Variants in COL4A6 observed in about 807,000 individuals in gnomAD.
COL4A6 encodes the protein collagen alpha-6(IV) chain.
Under a neutral mutation model 126.7 loss-of-function variants are expected in COL4A6, and 59 were observed. The observed-to-expected ratio is 0.47, with a 90% CI of 0.38 to 0.58. The LOEUF (loss-of-function observed/expected upper bound fraction) is 0.58, where lower values mean the gene tolerates loss of function less well. COL4A6 is among the 20% of genes least tolerant of loss of function. The pLI is 0.00. For missense variants in COL4A6, 1,285 were observed against 1,337.3 expected (o/e 0.96, Z 0.61); for synonymous variants, 547 against 496.6 (o/e 1.10, Z -1.35).
intron 3 of COL4A6, among the ~76,000 whole-genome samples, chrX:108,247,539 C>T (rs2036746351): frequency 9.1e-6 from 1 of 109,906 alleles, no homozygotes; most frequent in African/African-American, 3.3e-5. Flanking sequence ...AATAATTACC[C>T]TTCCCCCACC....
intron 2 of COL4A6, among the ~76,000 whole-genome samples, chrX:108,407,522 G>T (rs1472047238): frequency 8.9e-6 from 1 of 112,213 alleles, no homozygotes; most frequent in Non-Finnish European, 1.9e-5. Context: ...TTGAGCATCT[G>T]CTGTCTCAGG....
intron 3 of COL4A6, among the ~76,000 whole-genome samples, chrX:108,270,113 C>T (rs1384966916): frequency 8.9e-6 from 1 of 111,843 alleles, no homozygotes; most frequent in Admixed American, 9.5e-5. Context: ...TTCTGTGTTA[C>T]CTTGAACAAA....
chrX:108,403,649 C>T (rs2041143392), intron 2 of COL4A6, among the ~76,000 whole-genome samples: 1 of 111,290 alleles, frequency 9.0e-6, no homozygotes, highest in Non-Finnish European at 1.9e-5. Context: ...CCTAGTAACT[C>T]ATATTTGTCT....
intron 13 of COL4A6, among the ~76,000 whole-genome samples, chrX:108,200,034 C>A (rs758895368): frequency 5.4e-5 from 6 of 112,091 alleles, no homozygotes; most frequent in Middle Eastern, 4.6e-3. Context: ...GCTCACCTTG[C>A]TTACCTCACA....
At chrX:108,348,092 C>A (rs7473015) in intron 2 of COL4A6, among the ~76,000 whole-genome samples, 1 of 111,587 alleles carries the variant, frequency 9.0e-6, no homozygotes, top group African/African-American at 3.3e-5. Context: ...AATTGTAACT[C>A]GAAAACAGTC....
intron 17 of COL4A6, 83 bp downstream of exon 17, chrX:108,193,545 A>G: frequency 1.2e-6 from 1 of 835,696 alleles, no homozygotes; most frequent in Non-Finnish European, 1.8e-6. Context: ...AGTAACTAAC[A>G]AAGTATCCTT....
chrX:108,421,271 A>C (rs1376532296), intron 2 of COL4A6, among the ~76,000 whole-genome samples: 2 of 112,314 alleles, frequency 1.8e-5, no homozygotes, highest in Non-Finnish European at 1.9e-5. Flanking sequence ...AGCTAAATTT[A>C]TTGAGCGCAT....
Position 108,161,599 on chromosome X carries a change from C to CCCA in COL4A6, c.4333+19_4333+20insTGG. The CCCA allele has an allele frequency of 2.3e-6, 2 of 887,949 alleles. No individual in the cohort carries two copies. Among genetic ancestry groups the CCCA allele is most frequent in the Non-Finnish European group, 3.1e-6 (2 of 642,132 alleles). 73.2% of individuals were successfully genotyped at this position (887,949 alleles called of 1,213,427 possible). A position where few individuals can be genotyped will look rare whatever the true frequency, so the allele number is the denominator to read the frequency against. On this transcript the variant is annotated intron_variant, in intron 42 of 44. Coordinates refer to ENST00000334504, the MANE Select transcript of COL4A6 (RefSeq NM_033641.4). ...CCACCATCCCCGCCCCGCCCGCCTC[C>CCCA]TAATGTGGCATCATCAGACCTTCAA... is the stretch of plus-strand genomic sequence containing the variant.
Position 108,179,444 on chromosome X carries a change from C to A in COL4A6, c.2132-6G>T, listed in dbSNP as rs201589060. ...CCCACGAGGTCCAGGAAATCCTAAA[C>A]GTAAAAAGGCGAACATAAAAGACCA... On this transcript the variant is annotated splice_region_variant and splice_polypyrimidine_tract_variant and intron_variant, in intron 25 of 44. Coordinates refer to ENST00000334504, the MANE Select transcript of COL4A6 (RefSeq NM_033641.4). The A allele has an allele frequency of 5.6e-5, 66 of 1,177,528 alleles. No homozygotes were observed. The African/African-American group carries it at 1.1e-3, about 20-fold the overall frequency.
At chrX:108,326,953 T>C in intron 2 of COL4A6, among the ~76,000 whole-genome samples, 1 of 111,561 alleles carries the variant, frequency 9.0e-6, no homozygotes, top group Non-Finnish European at 1.9e-5. Flanking sequence ...TTGGACATCA[T>C]CTAAATTAAA....
At chrX:108,365,150 T>A (rs1372172451) in intron 2 of COL4A6, among the ~76,000 whole-genome samples, 2 of 111,955 alleles carry the variant, frequency 1.8e-5, no homozygotes, top group Non-Finnish European at 3.8e-5. Flanking sequence ...TTCTACTTCT[T>A]CATTTCCCAA....
chrX:108,428,358 C>T (rs888350101), intron 2 of COL4A6, among the ~76,000 whole-genome samples: 1 of 111,674 alleles, frequency 9.0e-6, no homozygotes, highest in African/African-American at 3.3e-5. Context: ...TCTTATCAAA[C>T]ATCAATTGCC....
Position 108,169,633 on chromosome X carries a change from G to A in COL4A6, c.3566-13C>T, listed in dbSNP as rs1209032260. Reference sequence around the variant, plus strand: ...GTGATACTAGGTCCTAGGAGGAGATGCAGGGGTAGGGGGCAGACCTCAGTG... The same window carrying A: ...GTGATACTAGGTCCTAGGAGGAGATACAGGGGTAGGGGGCAGACCTCAGTG... On this transcript the variant is annotated splice_polypyrimidine_tract_variant and intron_variant, in intron 36 of 44. Coordinates refer to ENST00000334504, the MANE Select transcript of COL4A6 (RefSeq NM_033641.4). The A allele has an allele frequency of 8.3e-7, 1 of 1,203,712 alleles. No homozygotes were observed. The highest frequency in any genetic ancestry group is 1.8e-5 in the South Asian group (1 of 55,273).
At chrX:108,356,882 G>C (rs2039973099) in intron 2 of COL4A6, among the ~76,000 whole-genome samples, 1 of 108,027 alleles carries the variant, frequency 9.3e-6, no homozygotes, top group Non-Finnish European at 1.9e-5. Context: ...AATAATAAGA[G>C]CAGAAGAAGC....
intron 3 of COL4A6, among the ~76,000 whole-genome samples, chrX:108,280,794 C>T (rs1270463922): frequency 9.0e-6 from 1 of 111,430 alleles, no homozygotes; most frequent in Non-Finnish European, 1.9e-5. Context: ...AGCTTATCCA[C>T]CATGATCAAG....
At chrX:108,300,809 C>A (rs1376246323) in intron 3 of COL4A6, among the ~76,000 whole-genome samples, 1 of 108,759 alleles carries the variant, frequency 9.2e-6, no homozygotes, top group Non-Finnish European at 1.9e-5. Context: ...CCCCACAGTG[C>A]CTGCACCAAT....
intron 2 of COL4A6, among the ~76,000 whole-genome samples, chrX:108,371,304 T>C (rs1336743147): frequency 9.1e-6 from 1 of 109,858 alleles, no homozygotes; most frequent in African/African-American, 3.3e-5. Flanking sequence ...TATATGAACA[T>C]GGTAAGAAAA....
intron 2 of COL4A6, among the ~76,000 whole-genome samples, chrX:108,368,876 G>A (rs2040264008): frequency 9.0e-6 from 1 of 110,806 alleles, no homozygotes; most frequent in African/African-American, 3.3e-5. Context: ...GGTGTTTGGG[G>A]GCAATAACAC....
chrX:108,341,139 T>C (rs942440892), intron 2 of COL4A6, among the ~76,000 whole-genome samples: 5 of 111,303 alleles, frequency 4.5e-5, no homozygotes, highest in African/African-American at 1.3e-4. Flanking sequence ...TAAACATCCA[T>C]TGGGCTGTGT....
Sources: gnomAD v4.1 joint callset for allele counts (sites outside exome capture counted in the v4.1 genomes callset) on GRCh38, gnomAD v4.1.1 for gene constraint, MANE v1.5 for transcripts, NCBI Gene and HGNC (gene_info 2026-07-23, HGNC 2026-07-21) for gene names.